Variants in NDST4 observed in about 807,000 individuals in gnomAD.
NDST4 encodes N-heparan sulfate sulfotransferase 4.
Under a neutral mutation model 100.8 loss-of-function variants are expected in NDST4, and 63 were observed. The observed-to-expected ratio is 0.62, with a 90% CI of 0.51 to 0.77. The LOEUF is 0.77. Among genes scored for constraint, NDST4 ranks in the 30% least tolerant of loss-of-function variants. The probability of loss-of-function intolerance (pLI) is 0.00; values close to 1 mark genes in which losing one functional copy is unlikely to be tolerated. For missense variants in NDST4, 943 were observed against 1,018.4 expected (o/e 0.93, Z 1.01); for synonymous variants, 377 against 361.8 (o/e 1.04, Z -0.48).
chr4:115,071,297 C>T (rs1242769435), intron 2 of NDST4, among the ~76,000 whole-genome samples: 1 of 151,280 alleles, frequency 6.6e-6, no homozygotes, highest in Non-Finnish European at 1.5e-5. Context: ...CACACACACA[C>T]ACACACACAC....
chr4:115,021,853 G>A (rs990947537), intron 2 of NDST4, among the ~76,000 whole-genome samples: 3 of 144,832 alleles, frequency 2.1e-5, no homozygotes, highest in Non-Finnish European at 3.0e-5. Flanking sequence ...ATATATATAC[G>A]TTCCACAGCT....
At chr4:114,976,658 A>G (rs908788828) in intron 3 of NDST4, among the ~76,000 whole-genome samples, 32 of 151,942 alleles carry the variant, frequency 2.1e-4, no homozygotes, top group African/African-American at 7.7e-4. Context: ...AGTCTATGTT[A>G]GGCCAAATTA....
intron 10 of NDST4, among the ~76,000 whole-genome samples, chr4:114,844,106 A>AT (rs1380570575): frequency 6.6e-6 from 1 of 152,014 alleles, no homozygotes; most frequent in East Asian, 1.9e-4. Context: ...AATTCTGTTG[A>AT]TTTTAATGTC....
intron 4 of NDST4, among the ~76,000 whole-genome samples, chr4:114,965,971 T>C (rs1726370938): frequency 1.3e-5 from 2 of 152,098 alleles, no homozygotes; most frequent in Middle Eastern, 3.4e-3. Flanking sequence ...GCTTTGCATC[T>C]ATTTATTGAC....
intron 2 of NDST4, among the ~76,000 whole-genome samples, chr4:114,997,842 C>A (rs1289932106): frequency 6.6e-6 from 1 of 152,020 alleles, no homozygotes; most frequent in East Asian, 1.9e-4. Flanking sequence ...CCCACTCCAA[C>A]CATCAAAATC....
At chr4:115,064,176 T>C (rs1402316612) in intron 2 of NDST4, among the ~76,000 whole-genome samples, 5 of 152,060 alleles carry the variant, frequency 3.3e-5, no homozygotes, top group Admixed American at 2.0e-4. Context: ...TTGAAAAGTA[T>C]ATTTTTAAAA....
chr4:114,936,647 G>A (rs1478350019), intron 5 of NDST4, among the ~76,000 whole-genome samples: 3 of 152,024 alleles, frequency 2.0e-5, no homozygotes, highest in African/African-American at 7.2e-5. Flanking sequence ...GTAATATAAT[G>A]TTTTCTTTCC....
At chr4:114,894,865 T>C (rs1205454211) in intron 6 of NDST4, among the ~76,000 whole-genome samples, 1 of 152,178 alleles carries the variant, frequency 6.6e-6, no homozygotes. Flanking sequence ...CAGTATGATA[T>C]TGGCTGTGGG....
intron 1 of NDST4, among the ~76,000 whole-genome samples, chr4:115,081,203 T>TA (rs1168367315): frequency 6.6e-6 from 1 of 152,180 alleles, no homozygotes; most frequent in Non-Finnish European, 1.5e-5. Flanking sequence ...AGAAGAATGA[T>TA]AGATACATAT....
At chr4:115,064,056 A>G (rs570342137) in intron 2 of NDST4, among the ~76,000 whole-genome samples, 2 of 152,148 alleles carry the variant, frequency 1.3e-5, no homozygotes, top group South Asian at 4.1e-4. Context: ...GCTTGTTTTG[A>G]GTATTAATAA....
rs1231178720 is a variant in NDST4 at position 114,937,425 on chromosome 4, A to G, written c.1300T>C (p.Tyr434His). ...CCCCAGACCTTCTTCCAAGCTGCAT[A>G]CAGCTGAATGTGAACCGGGTAGACC... is the stretch of plus-strand genomic sequence containing the variant. ...SGVYPVHIQL[Y>H]AAWKKVWGIQ... Residue 434 changes from tyrosine (Y) to histidine (H), a missense_variant, in exon 5 of 14, where the codon TAT becomes CAT. Tyr to His is a moderately conservative substitution (Grantham distance 83, BLOSUM62 2). Around this residue, in one of 2 missense-constraint regions of NDST4, gnomAD observed 526 missense variants for 634.1 expected, o/e 0.83. Transcript: ENST00000264363. The G allele has an allele frequency of 1.2e-6, 2 of 1,613,544 alleles. No individual in the cohort carries two copies. Among genetic ancestry groups the G allele is most frequent in the Admixed American group, 1.7e-5 (1 of 59,990 alleles).
intron 2 of NDST4, among the ~76,000 whole-genome samples, chr4:114,991,933 C>G (rs946119938): frequency 2.0e-5 from 3 of 151,924 alleles, no homozygotes; most frequent in African/African-American, 7.2e-5. Flanking sequence ...TGTGTGAGAT[C>G]TGGCATATAC....
At chr4:115,082,646 T>A (rs1165756406) in intron 1 of NDST4, among the ~76,000 whole-genome samples, 1 of 152,196 alleles carries the variant, frequency 6.6e-6, no homozygotes, top group Admixed American at 6.5e-5. Flanking sequence ...AACTATGCTA[T>A]ATTCTTTGTA....
chr4:115,053,556 T>C (rs752156546), intron 2 of NDST4, among the ~76,000 whole-genome samples: 1 of 152,166 alleles, frequency 6.6e-6, no homozygotes, highest in Non-Finnish European at 1.5e-5. Flanking sequence ...CATTTTACTA[T>C]ATGCTTGTGT....
At chr4:114,916,465 A>T (rs1456548411) in intron 6 of NDST4, among the ~76,000 whole-genome samples, 2 of 151,522 alleles carry the variant, frequency 1.3e-5, no homozygotes, top group African/African-American at 4.9e-5. Flanking sequence ...ATGAAATAAT[A>T]TTCTTCTTCA....
intron 2 of NDST4, among the ~76,000 whole-genome samples, chr4:115,052,895 A>G (rs1465346356): frequency 6.6e-6 from 1 of 152,184 alleles, no homozygotes; most frequent in Non-Finnish European, 1.5e-5. Flanking sequence ...ACGAAAAAAC[A>G]GTAGTCACTG....
rs201564151 is a variant in NDST4, at chr4:114,864,409, A to AT, written c.1719+6358dup. On this transcript the variant is annotated intron_variant, in intron 7 of 13. Coordinates refer to ENST00000264363, the MANE Select transcript of NDST4 (RefSeq NM_022569.3). ...TCCAATTGGCCTGTGTTGTTTCTTA[A>AT]TTTTTTCTGCTTATTGAGTCTTGCT... Among the ~76,000 whole-genome samples, 644 of 152,088 alleles carry AT rather than the reference A, an allele frequency of 4.2e-3. 6 individuals carry two copies. The highest frequency in any genetic ancestry group is 0.015 in the African/African-American group (606 of 41,484).
intron 1 of NDST4, among the ~76,000 whole-genome samples, chr4:115,088,012 A>T (rs1729441961): frequency 6.6e-6 from 1 of 151,974 alleles, no homozygotes; most frequent in South Asian, 2.1e-4. Flanking sequence ...CACTTAGATT[A>T]TGATAGTTAT....
intron 1 of NDST4, among the ~76,000 whole-genome samples, chr4:115,097,778 C>T (rs1376888531): frequency 2.0e-5 from 3 of 152,146 alleles, no homozygotes; most frequent in Non-Finnish European, 4.4e-5. Context: ...GCCAAATTCA[C>T]AGAGTGGTCC....
Sources: allele counts gnomAD v4.1 joint callset (sites outside exome capture counted in the v4.1 genomes callset), GRCh38; gene constraint gnomAD v4.1.1; regional missense constraint gnomAD v4.1.1; transcripts MANE v1.5; gene names NCBI Gene and HGNC (gene_info 2026-07-23, HGNC 2026-07-21).